OFD1: variants seen among roughly 807,000 people sequenced by gnomAD.
OFD1 encodes the protein OFD1 centriole and centriolar satellite protein, also known as centriole and centriolar satellite protein OFD1.
A neutral mutation model predicts 81.4 loss-of-function variants in OFD1; 12 were observed. The ratio of observed to expected loss-of-function variants is 0.15; its 90% CI spans 0.09 to 0.24. The LOEUF is 0.24. Ranked by LOEUF, OFD1 falls within the 10% of genes least tolerant of loss-of-function variation. OFD1 has a pLI of 1.00. For missense variants in OFD1, 685 were observed against 733.9 expected (o/e 0.93, Z 0.77); for synonymous variants, 256 against 263.7 (o/e 0.97, Z 0.28).
At chrX:13,766,792 A>G (rs1257677270) in intron 19 of OFD1, among the ~76,000 whole-genome samples, 1 of 111,292 alleles carries the variant, frequency 9.0e-6, no homozygotes, top group Non-Finnish European at 1.9e-5. Flanking sequence ...GATTATAATC[A>G]AAGGCAGAGG....
the OFD1 span, among the ~76,000 whole-genome samples, chrX:13,724,039 CT>C: frequency 9.0e-6 from 1 of 111,517 alleles, no homozygotes; most frequent in Non-Finnish European, 1.9e-5. Context: ...ATCTTGACAG[CT>C]TTGAAAATGA....
At chrX:13,758,707 T>A (rs1460949600) in intron 15 of OFD1, among the ~76,000 whole-genome samples, 2 of 111,494 alleles carry the variant, frequency 1.8e-5, no homozygotes, top group Non-Finnish European at 3.8e-5. Flanking sequence ...GGTGGTAACA[T>A]AGAAGTCCCC....
chrX:13,765,589 C>CTT (rs1395909512), intron 19 of OFD1, among the ~76,000 whole-genome samples: 1 of 110,684 alleles, frequency 9.0e-6, no homozygotes, highest in Non-Finnish European at 1.9e-5. Flanking sequence ...CTGCTGATCA[C>CTT]TTTAGAACAA....
At position 13,734,847 on chromosome X, in the gene OFD1, C is replaced by G. The variant is rs2046789611; in HGVS notation, c.-225C>G. 3 of 1,083,622 alleles carry G rather than the reference C, an allele frequency of 2.8e-6. No homozygotes were observed. The Admixed American group carries it at 1.2e-4, about 42-fold the overall frequency. The allele number at this position is 1,083,622 out of a possible 1,213,427, so 89.3% of individuals were successfully genotyped here. A position where few individuals can be genotyped will look rare whatever the true frequency, so the allele number is the denominator to read the frequency against. On this transcript the variant is annotated 5_prime_UTR_variant, in exon 1 of 23. Coordinates refer to ENST00000340096, the MANE Select transcript of OFD1 (RefSeq NM_003611.3). ...AGTCGTGCCTGGGTCCTCGCCCTTG[C>G]CTCAGAACCGCGAAGAAAGGAAGCT...
the OFD1 span, chrX:13,720,868 A>G: frequency 9.1e-6 from 1 of 110,326 alleles, no homozygotes; most frequent in African/African-American, 3.3e-5. Flanking sequence ...TCTACATGAA[A>G]TACAAAAAGT....
the OFD1 span, among the ~76,000 whole-genome samples, chrX:13,718,264 G>A: frequency 8.8e-6 from 1 of 113,146 alleles, no homozygotes; most frequent in South Asian, 3.6e-4. Context: ...CGTTGCCGTG[G>A]AATCCCATGC....
chrX:13,769,231 T>G lies in OFD1; in HGVS notation c.*123T>G, dbSNP rs182746098. 2,014 of 576,974 alleles carry G rather than the reference T, an allele frequency of 3.5e-3. 32 individuals are homozygous for G. The African/African-American group carries it at 0.04, about 12-fold the overall frequency. The allele number at this position is 576,974 out of a possible 1,213,427, so 47.5% of individuals were successfully genotyped here. A position where few individuals can be genotyped will look rare whatever the true frequency, so the allele number is the denominator to read the frequency against. On this transcript the variant is annotated 3_prime_UTR_variant, in exon 23 of 23. Coordinates refer to ENST00000340096, the MANE Select transcript of OFD1 (RefSeq NM_003611.3). Reference sequence around the variant, plus strand: ...AAAAATGTGTGTAATCCAATGTGGGTTTTTTTTTCCATAATTAATTTTGAT... The same window carrying G: ...AAAAATGTGTGTAATCCAATGTGGGGTTTTTTTTCCATAATTAATTTTGAT...
chrX:13,747,502 C>T (rs2047340344), intron 8 of OFD1, among the ~76,000 whole-genome samples: 1 of 111,626 alleles, frequency 9.0e-6, no homozygotes, highest in Admixed American at 9.5e-5. Flanking sequence ...TTTTCAGAGC[C>T]TTATTTGACT....
At chrX:13,742,689 A>T (rs1264322745) in intron 5 of OFD1, among the ~76,000 whole-genome samples, 1 of 110,278 alleles carries the variant, frequency 9.1e-6, no homozygotes, top group Non-Finnish European at 1.9e-5. Context: ...ACGCCTGGCT[A>T]ATTTTTTTGT....
chrX:13,760,957 T>C, intron 16 of OFD1, 128 bp from the exon 17 acceptor site: 3 of 870,403 alleles, frequency 3.4e-6, no homozygotes, highest in South Asian at 4.1e-5. Flanking sequence ...CTGGATCTTA[T>C]GCATCATAAT....
chrX:13,731,718 A>T (rs1426149762), upstream of OFD1, among the ~76,000 whole-genome samples: 2 of 111,808 alleles, frequency 1.8e-5, no homozygotes, highest in Non-Finnish European at 3.8e-5. Flanking sequence ...GAGTGTCAAT[A>T]CTCGGAGAAC....
chrX:13,739,922 T>C (rs1163649676), intron 5 of OFD1: 27 of 752,613 alleles, frequency 3.6e-5, no homozygotes, highest in Non-Finnish European at 3.9e-5. Flanking sequence ...ATAGTTATTC[T>C]TTAGGTCTTT....
At chrX:13,734,701 C>T, upstream of OFD1, 2 of 976,472 alleles carry the variant, frequency 2.0e-6, no homozygotes, top group Non-Finnish European at 2.6e-6. Flanking sequence ...CGCCGTAGCT[C>T]TTCAGCTCGG....
At chrX:13,756,264 TA>T (rs2047708430) in intron 12 of OFD1, among the ~76,000 whole-genome samples, 1 of 111,985 alleles carries the variant, frequency 8.9e-6, no homozygotes, top group Non-Finnish European at 1.9e-5. Context: ...ATTTTTATCT[TA>T]CCTTTCATAT....
chrX:13,726,163 G>C, the OFD1 span, among the ~76,000 whole-genome samples: 1 of 112,319 alleles, frequency 8.9e-6, no homozygotes, highest in African/African-American at 3.2e-5. Context: ...GGGGAGAATG[G>C]AACCAAGTTG....
chrX:13,743,939 T>G (rs2047198855), intron 5 of OFD1, among the ~76,000 whole-genome samples: 1 of 111,909 alleles, frequency 8.9e-6, no homozygotes, highest in Non-Finnish European at 1.9e-5. Context: ...GATAAATATT[T>G]CTCCTTATTC....
At chrX:13,752,694 A>G (rs1482294664) in intron 10 of OFD1, 3 of 969,792 alleles carry the variant, frequency 3.1e-6, no homozygotes, top group Non-Finnish European at 4.0e-6. Context: ...ATTTGGTGTC[A>G]TTGTGACAGC....
intron 12 of OFD1, 85 bp downstream of exon 12, chrX:13,755,327 C>A: frequency 1.5e-6 from 1 of 666,522 alleles, no homozygotes; most frequent in Non-Finnish European, 2.4e-6. Flanking sequence ...CTAAGTCATC[C>A]TGTTGAGATG....
the OFD1 span, chrX:13,722,014 C>T: frequency 7.3e-5 from 8 of 108,874 alleles, no homozygotes; most frequent in South Asian, 3.9e-4. Context: ...ATAACAAAGA[C>T]GAGCTGGAAT....
Sources: allele counts gnomAD v4.1 joint callset (sites outside exome capture counted in the v4.1 genomes callset), GRCh38; gene constraint gnomAD v4.1.1; transcripts MANE v1.5; gene names NCBI Gene and HGNC (gene_info 2026-07-23, HGNC 2026-07-21).